ZBTB46: variants seen among roughly 807,000 people sequenced by gnomAD.
The protein encoded by ZBTB46 is zinc finger and BTB domain containing 46.
A neutral mutation model predicts 44.1 loss-of-function variants in ZBTB46; 8 were observed. The ratio of observed to expected loss-of-function variants is 0.18; its 90% confidence interval spans 0.11 to 0.33. ZBTB46 has a LOEUF of 0.33. ZBTB46 is among the 10% of genes least tolerant of loss of function. The pLI is 1.00. For synonymous variants in ZBTB46, 409 were observed against 382.3 expected (o/e 1.07, Z -0.81); for missense variants, 651 against 847.7 (o/e 0.77, Z 2.88).
chr20:63,764,605 GTTT>G (rs11479608), intron 3 of ZBTB46, among the ~76,000 whole-genome samples: 2 of 141,814 alleles, frequency 1.4e-5, no homozygotes, highest in African/African-American at 2.6e-5. Context: ...TTTTTTCTCT[GTTT>G]TTTTTTTTTT....
rs1464378866 is a variant in ZBTB46, at chr20:63,744,666, C to T, written c.*2264G>A. 6.6e-6 allele frequency: 1 copy of T among 152,400 alleles called. No homozygotes were observed. Among genetic ancestry groups the T allele is most frequent in the Non-Finnish European group, 1.5e-5 (1 of 68,046 alleles). 9.4% of individuals were successfully genotyped at this position (152,400 alleles called of 1,614,324 possible). A position where few individuals can be genotyped will look rare whatever the true frequency, so the allele number is the denominator to read the frequency against. On this transcript the variant is annotated 3_prime_UTR_variant, in exon 5 of 5. Coordinates refer to ENST00000245663, the MANE Select transcript of ZBTB46 (RefSeq NM_001369741.1). The stretch of plus-strand genomic sequence containing the variant: ...TCACCTGGGCCTCGGAAATCCCACA[C>T]TCTTCAGTCGGCAAACTGCGAACAA...
Position 63,789,850 on chromosome 20 carries a change from G to A in ZBTB46, c.908C>T (p.Ser303Leu), listed in dbSNP as rs780850554. 22 of 1,611,998 alleles carry A rather than the reference G, an allele frequency of 1.4e-5. No individual in the cohort carries two copies. Among genetic ancestry groups the A allele is most frequent in the East Asian group, 8.9e-5 (4 of 44,882 alleles). ...SSPVPSFLPT[S>L]GWPFSSRDSN... Reference sequence around the variant, plus strand: ...GTCTCGGCTGCTGAACGGCCACCCCGACGTCGGCAGGAAGGACGGCACCGG... The same window carrying A: ...GTCTCGGCTGCTGAACGGCCACCCCAACGTCGGCAGGAAGGACGGCACCGG... The change falls in exon 2 of 5, where the codon TCG (serine) becomes TTG (leucine). Residue 303 changes from serine (S) to leucine (L), a missense_variant. Around this residue, in one of 5 missense-constraint regions of ZBTB46, gnomAD observed 385 missense variants for 423.3 expected, o/e 0.91. Coordinates refer to ENST00000245663, the MANE Select transcript of ZBTB46 (RefSeq NM_001369741.1).
At chr20:63,758,795 G>C (rs193206958) in intron 3 of ZBTB46, among the ~76,000 whole-genome samples, 1 of 149,496 alleles carries the variant, frequency 6.7e-6, no homozygotes, top group Admixed American at 6.7e-5. Flanking sequence ...GCAGTGGTGC[G>C]ATCTCAGCTC....
At chr20:63,749,064 G>T (rs1601384914) in intron 4 of ZBTB46, among the ~76,000 whole-genome samples, 1 of 152,222 alleles carries the variant, frequency 6.6e-6, no homozygotes, top group South Asian at 2.1e-4. Flanking sequence ...TTCCTTGAGG[G>T]CAGAGGTGCC....
intron 2 of ZBTB46, among the ~76,000 whole-genome samples, chr20:63,778,188 A>G (rs1276272583): frequency 6.6e-6 from 1 of 152,130 alleles, no homozygotes; most frequent in East Asian, 1.9e-4. Context: ...GGTGTGAATC[A>G]TCTCTCAGTA....
chr20:63,780,137 G>A (rs758050701), intron 2 of ZBTB46, among the ~76,000 whole-genome samples: 11 of 151,684 alleles, frequency 7.3e-5, no homozygotes, highest in Non-Finnish European at 2.9e-5. Flanking sequence ...TAGGCATGGC[G>A]GTGCGTGCTT....
In ZBTB46 at chr20:63,787,459, C is replaced by T. The variant is rs2092525229; in HGVS notation, c.937+2362G>A. On this transcript the variant is annotated intron_variant, in intron 2 of 4. Coordinates refer to ENST00000245663, the MANE Select transcript of ZBTB46 (RefSeq NM_001369741.1). The surrounding 1 kb of genome is among the most constrained non-coding windows in gnomAD (Gnocchi z 4.6). Reference sequence around the variant, plus strand: ...GCAGTGCAGCAAGCTCTGTGCATGGCAGGGGCCCTACCCAGGCATGCCGTT... The same window carrying T: ...GCAGTGCAGCAAGCTCTGTGCATGGTAGGGGCCCTACCCAGGCATGCCGTT... Among the ~76,000 whole-genome samples, 1 of 152,358 alleles carries T rather than the reference C, an allele frequency of 6.6e-6. No homozygotes were observed. Among genetic ancestry groups the T allele is most frequent in the East Asian group, 1.9e-4 (1 of 5,192 alleles).
intron 2 of ZBTB46, among the ~76,000 whole-genome samples, chr20:63,779,406 ATTTTTTTTTT>A (rs59166121): frequency 0.024 from 2,496 of 105,632 alleles, 248 homozygotes; most frequent in African/African-American, 0.086. Flanking sequence ...ACGCCGGCTA[ATTTTTTTTTT>A]TTTTTTTTTT....
chr20:63,803,493 T>C lies in ZBTB46; in HGVS notation c.-33-12703A>G. The C allele has an allele frequency of 1.0e-6, 1 of 985,210 alleles. No homozygotes were observed. Among genetic ancestry groups the C allele is most frequent in the Non-Finnish European group, 1.2e-6 (1 of 829,886 alleles). 61.0% of individuals were successfully genotyped at this position (985,210 alleles called of 1,614,324 possible). On this transcript the variant is annotated intron_variant, in intron 1 of 4. Transcript: ENST00000245663. The surrounding 1 kb of genome is among the most constrained non-coding windows in gnomAD (Gnocchi z 4.0). Reference sequence around the variant, plus strand: ...GGGTGCTGGCGATGAGGACTTTAGGTTTTCCACATGGCAGCCCCCATGTGG... The same window carrying C: ...GGGTGCTGGCGATGAGGACTTTAGGCTTTCCACATGGCAGCCCCCATGTGG...
rs538672800 is a variant in ZBTB46, at chr20:63,752,372, G to T, written c.1398+314C>A. Among the ~76,000 whole-genome samples the T allele has an allele frequency of 2.2e-4, 33 of 152,146 alleles. No homozygotes were observed. The highest frequency in any genetic ancestry group is 2.5e-4 in the Non-Finnish European group (17 of 67,976). ...CCCGAGGCAGGGCGGGGGCGGGGGG[G>T]CGCAGAGGTGGCTGAGGGTTGGGGG... On this transcript the variant is annotated intron_variant, in intron 4 of 4. Transcript: ENST00000245663. The surrounding 1 kb of genome is among the most constrained non-coding windows in gnomAD (Gnocchi z 5.6).
At chr20:63,753,249 G>T (rs1195762927) in intron 3 of ZBTB46, among the ~76,000 whole-genome samples, 1 of 152,190 alleles carries the variant, frequency 6.6e-6, no homozygotes, top group African/African-American at 2.4e-5. Flanking sequence ...GGCCCTGGGC[G>T]TGGTGTCCGA....
intron 3 of ZBTB46, among the ~76,000 whole-genome samples, chr20:63,770,499 G>A (rs1161798218): frequency 1.3e-5 from 2 of 152,184 alleles, no homozygotes; most frequent in Admixed American, 6.5e-5. Flanking sequence ...TAATTTAACA[G>A]CCAAGCCAAG....
At chr20:63,766,402 G>A (rs948921543) in intron 3 of ZBTB46, among the ~76,000 whole-genome samples, 2 of 151,846 alleles carry the variant, frequency 1.3e-5, no homozygotes, top group African/African-American at 4.8e-5. Context: ...TTTTAGTAGA[G>A]ATACGATTTC....
chr20:63,784,027 G>C (rs1158906466), intron 2 of ZBTB46, among the ~76,000 whole-genome samples: 1 of 152,176 alleles, frequency 6.6e-6, no homozygotes, highest in Non-Finnish European at 1.5e-5. Context: ...TAACCTCAGA[G>C]GTAACTCCCT....
rs759148577 is a variant in ZBTB46 at position 63,745,018 on chromosome 20, C to T, written c.*1912G>A. Reference sequence around the variant, plus strand: ...GGGTTTAAAAATCAGGGGAAAGGTACAAAGTTCTGAGAATTCTCAAAGAGG... The same window carrying T: ...GGGTTTAAAAATCAGGGGAAAGGTATAAAGTTCTGAGAATTCTCAAAGAGG... On this transcript the variant is annotated 3_prime_UTR_variant, in exon 5 of 5. Coordinates refer to ENST00000245663, the MANE Select transcript of ZBTB46 (RefSeq NM_001369741.1). 2.0e-5 allele frequency: 3 copies of T among 152,302 alleles called. No individual in the cohort carries two copies. Among genetic ancestry groups the T allele is most frequent in the Non-Finnish European group, 4.4e-5 (3 of 68,036 alleles). 9.4% of individuals were successfully genotyped at this position (152,302 alleles called of 1,614,324 possible). A position where few individuals can be genotyped will look rare whatever the true frequency, so the allele number is the denominator to read the frequency against.
chr20:63,819,881 G>A (rs1448027814), intron 1 of ZBTB46, among the ~76,000 whole-genome samples: 5 of 152,088 alleles, frequency 3.3e-5, no homozygotes, highest in Admixed American at 1.3e-4. Flanking sequence ...AATGATTTCC[G>A]AAAAGTTCTT....
intron 3 of ZBTB46, among the ~76,000 whole-genome samples, chr20:63,758,494 T>C (rs1026270562): frequency 1.3e-5 from 2 of 151,166 alleles, no homozygotes; most frequent in Non-Finnish European, 2.9e-5. Flanking sequence ...TTCTGGAAAT[T>C]GGTGAGTGTA....
upstream of ZBTB46, among the ~76,000 whole-genome samples, chr20:63,833,417 C>G (rs570864887): frequency 3.2e-4 from 49 of 152,136 alleles, no homozygotes; most frequent in Non-Finnish European, 5.4e-4. Context: ...CGGTGAAACC[C>G]CGTCTCTACT....
At chr20:63,801,463 T>C (rs932252522) in intron 1 of ZBTB46, among the ~76,000 whole-genome samples, 2 of 152,136 alleles carry the variant, frequency 1.3e-5, no homozygotes, top group Non-Finnish European at 2.9e-5. Flanking sequence ...AAGATGTGGG[T>C]GGGGCCAGGT....
Sources: allele counts gnomAD v4.1 joint callset (sites outside exome capture counted in the v4.1 genomes callset), GRCh38; gene constraint gnomAD v4.1.1; regional missense constraint gnomAD v4.1.1; non-coding constraint Gnocchi (gnomAD v3.1); transcripts MANE v1.5; gene names NCBI Gene and HGNC (gene_info 2026-07-23, HGNC 2026-07-21).